The following ZNF106 variants were observed in gnomAD, a reference collection of about 807,000 sequenced individuals.
ZNF106 encodes the protein SH3-domain binding protein 3.
In ZNF106, 67 loss-of-function variants were observed where a neutral mutation model predicts 195.1. The ratio of observed to expected loss-of-function variants is 0.34; its 90% confidence interval spans 0.28 to 0.42. The LOEUF (loss-of-function observed/expected upper bound fraction) is 0.42. Ranked by LOEUF, ZNF106 falls within the 10% of genes least tolerant of loss-of-function variation. The pLI, the probability that ZNF106 is intolerant of heterozygous loss-of-function variation, is 1.00. For synonymous variants in ZNF106, 784 were observed against 818.6 expected (o/e 0.96, Z 0.72); for missense variants, 2,118 against 2,304.5 (o/e 0.92, Z 1.66).
chr15:42,458,785 T>C (rs1286202344), intron 3 of ZNF106, among the ~76,000 whole-genome samples: 8 of 150,694 alleles, frequency 5.3e-5, no homozygotes, highest in African/African-American at 2.0e-4. Context: ...TTTGGTAAGG[T>C]GTTTTCTTTT....
chr15:42,455,591 G>A (rs1471965085), intron 4 of ZNF106, among the ~76,000 whole-genome samples: 1 of 151,992 alleles, frequency 6.6e-6, no homozygotes, highest in Middle Eastern at 3.2e-3. Context: ...ACATAGATAA[G>A]GGCTTCCTAT....
chr15:42,469,867 A>G (rs1032998904), intron 2 of ZNF106, among the ~76,000 whole-genome samples: 3 of 151,628 alleles, frequency 2.0e-5, no homozygotes, highest in African/African-American at 7.3e-5. Flanking sequence ...ACAAAAAAAA[A>G]AAAAGAAAAA....
At chr15:42,438,967 C>CA (rs2055391181) in intron 11 of ZNF106, 66 bp downstream of exon 11, 1 of 1,508,640 alleles carries the variant, frequency 6.6e-7, no homozygotes, top group Non-Finnish European at 8.9e-7. Flanking sequence ...TTCATAATTT[C>CA]AAATTCTATT....
At chr15:42,486,915 C>A (rs1342906449) in intron 1 of ZNF106, among the ~76,000 whole-genome samples, 1 of 152,120 alleles carries the variant, frequency 6.6e-6, no homozygotes, top group Non-Finnish European at 1.5e-5. Flanking sequence ...CTTTGGGAGG[C>A]TGAGGTGGGG....
intron 7 of ZNF106, among the ~76,000 whole-genome samples, chr15:42,446,003 G>A (rs1448843443): frequency 6.6e-6 from 1 of 152,158 alleles, no homozygotes; most frequent in African/African-American, 2.4e-5. Flanking sequence ...GAGAGAAATG[G>A]CTATACATGA....
intron 9 of ZNF106, 77 bp downstream of exon 9, chr15:42,444,112 CAAAAAAAAAAAAA>C (rs58966014): frequency 2.7e-4 from 67 of 248,932 alleles, no homozygotes; most frequent in South Asian, 7.1e-4. Flanking sequence ...ACTCTGTCTC[CAAAAAAAAAAAAA>C]AAAAAAAAAA....
Position 42,468,957 on chromosome 15 carries a change from C to A in ZNF106, c.55-2843G>T, listed in dbSNP as rs1303534979. ...ATCCCAGCACTTTGGGAGACGGAGG[C>A]GGGTGGATCACCTGAGGTTAGGAGT... is the stretch of plus-strand genomic sequence containing the variant. On this transcript the variant is annotated intron_variant, in intron 2 of 21. Coordinates refer to ENST00000564754, the MANE Select transcript of ZNF106 (RefSeq NM_001366845.3). 2.0e-5 allele frequency among the ~76,000 whole-genome samples: 3 copies of A among 151,608 alleles called. No homozygotes were observed. In the East Asian group the frequency reaches 5.9e-4, roughly 30 times the overall value.
intron 17 of ZNF106, among the ~76,000 whole-genome samples, 196 bp downstream of exon 17, chr15:42,423,802 G>A (rs1213531587): frequency 2.0e-5 from 3 of 152,192 alleles, no homozygotes; most frequent in African/African-American, 4.8e-5. Context: ...AAGCCTGTCT[G>A]TCCACCATTA....
rs2056511392 is a variant in ZNF106, at chr15:42,466,123, TAAAAG to T, written c.55-14_55-10del. 6.6e-7 allele frequency: 1 copy of T among 1,519,912 alleles called. No individual in the cohort carries two copies. Among genetic ancestry groups the T allele is most frequent in the African/African-American group, 1.4e-5 (1 of 71,682 alleles). The allele number at this position is 1,519,912 out of a possible 1,614,324, so 94.2% of individuals were successfully genotyped here. A position where few individuals can be genotyped will look rare whatever the true frequency, so the allele number is the denominator to read the frequency against. On this transcript the variant is annotated splice_polypyrimidine_tract_variant and intron_variant, in intron 2 of 21. Transcript: ENST00000564754. ...ATGTGTTCGTCCATCTCCTTCAAAA[TAAAAG>T]AAAGTAGATTAAAACTAAGCAGGAT...
Position 42,417,491 on chromosome 15 carries a change from C to G in ZNF106, c.5665-131G>C, listed in dbSNP as rs891446768. 1.4e-5 allele frequency: 14 copies of G among 1,029,452 alleles called. No homozygotes were observed. In the African/African-American group the frequency reaches 2.3e-4, roughly 17 times the overall value. 63.8% of individuals were successfully genotyped at this position (1,029,452 alleles called of 1,614,324 possible). A position where few individuals can be genotyped will look rare whatever the true frequency, so the allele number is the denominator to read the frequency against. ...CAGGAAAGGCAGTTAGGAGCCAGCA[C>G]TTTGCTAACTTACGTGAAACCATGT... On this transcript the variant is annotated intron_variant, in intron 21 of 21. Coordinates refer to ENST00000564754, the MANE Select transcript of ZNF106 (RefSeq NM_001366845.3).
chr15:42,453,895 C>G (rs1417369755), intron 4 of ZNF106, among the ~76,000 whole-genome samples: 1 of 152,092 alleles, frequency 6.6e-6, no homozygotes, highest in Non-Finnish European at 1.5e-5. Flanking sequence ...TCTTATTATT[C>G]CTACTTTATA....
intron 9 of ZNF106, among the ~76,000 whole-genome samples, chr15:42,443,886 C>A (rs1241803407): frequency 6.6e-6 from 1 of 151,982 alleles, no homozygotes; most frequent in African/African-American, 2.4e-5. Flanking sequence ...GCAGGCGGAT[C>A]ACCTGAGGTC....
At chr15:42,419,931 CAG>C (rs2054597985) in intron 20 of ZNF106, among the ~76,000 whole-genome samples, 1 of 152,198 alleles carries the variant, frequency 6.6e-6, no homozygotes. Context: ...GCCTGGGCAA[CAG>C]AGTGAGATTC....
intron 14 of ZNF106, among the ~76,000 whole-genome samples, chr15:42,432,702 A>G (rs908816187): frequency 1.6e-5 from 2 of 127,418 alleles, no homozygotes; most frequent in Non-Finnish European, 3.1e-5. Context: ...GCAAGACCGT[A>G]TTTCTAAAAA....
At chr15:42,487,549 T>C (rs1479437149) in intron 1 of ZNF106, among the ~76,000 whole-genome samples, 1 of 151,248 alleles carries the variant, frequency 6.6e-6, no homozygotes, top group Non-Finnish European at 1.5e-5. Flanking sequence ...CCCCTCCTGT[T>C]TCCTAGCCAC....
At chr15:42,457,402 G>A in intron 3 of ZNF106, 2 of 1,378,978 alleles carry the variant, frequency 1.5e-6, no homozygotes, top group Non-Finnish European at 9.3e-7. Context: ...TGTCGTTTAG[G>A]AGGAGAAATC....
intron 14 of ZNF106, 33 bp from the exon 15 acceptor site, chr15:42,428,167 G>A: frequency 6.3e-7 from 1 of 1,579,676 alleles, no homozygotes; most frequent in Non-Finnish European, 8.7e-7. Context: ...AATCAGCAGA[G>A]GGTACTGGCA....
chr15:42,433,437 C>A (rs534784872), intron 14 of ZNF106, among the ~76,000 whole-genome samples: 149 of 151,354 alleles, frequency 9.8e-4, no homozygotes, highest in Non-Finnish European at 1.7e-3. Context: ...ATTTTAATTC[C>A]TCAATTGACT....
intron 7 of ZNF106, 111 bp downstream of exon 7, chr15:42,446,478 G>T: frequency 1.3e-6 from 1 of 790,546 alleles, no homozygotes. Flanking sequence ...TCGGGAGGCT[G>T]AGAGAAGAGG....
Sources: gnomAD v4.1 joint callset for allele counts (sites outside exome capture counted in the v4.1 genomes callset) on GRCh38, gnomAD v4.1.1 for gene constraint, MANE v1.5 for transcripts, NCBI Gene and HGNC (gene_info 2026-07-23, HGNC 2026-07-21) for gene names.